PCSK5: variants seen among roughly 807,000 people sequenced by gnomAD.
The protein encoded by PCSK5 is prohormone convertase 5.
A neutral mutation model predicts 233.2 loss-of-function variants in PCSK5; 129 were observed. The observed-to-expected ratio is 0.55, with a 90% confidence interval of 0.48 to 0.64. PCSK5 has a LOEUF of 0.64. Ranked by LOEUF, PCSK5 falls within the 30% of genes least tolerant of loss-of-function variation. The probability of loss-of-function intolerance (pLI) is 0.00; values close to 1 mark genes in which losing one functional copy is unlikely to be tolerated. For synonymous variants in PCSK5, 825 were observed against 879.2 expected, an observed-to-expected ratio of 0.94 and a Z score of 1.09; for missense variants, 2,076 against 2,430.1, an observed-to-expected ratio of 0.85 and a Z score of 3.06.
intron 3 of PCSK5, among the ~76,000 whole-genome samples, chr9:76,005,867 A>G (rs1827454873): frequency 6.6e-6 from 1 of 151,958 alleles, no homozygotes; most frequent in Non-Finnish European, 1.5e-5. Context: ...TTTTTAAGAG[A>G]CGGGGTCTTG....
intron 24 of PCSK5, among the ~76,000 whole-genome samples, chr9:76,273,825 T>G (rs1827608403): frequency 6.6e-6 from 1 of 150,636 alleles, no homozygotes; most frequent in Non-Finnish European, 1.5e-5. Context: ...TTCTTTTTTT[T>G]TTTGTAGAGA....
At chr9:76,288,599 A>G (rs1828159612) in intron 24 of PCSK5, among the ~76,000 whole-genome samples, 1 of 152,172 alleles carries the variant, frequency 6.6e-6, no homozygotes, top group Admixed American at 6.5e-5. Flanking sequence ...GACAGCCAGC[A>G]TGGCCAGGGC....
Position 76,181,606 on chromosome 9 carries a change from A to G in PCSK5, c.2197+15A>G, listed in dbSNP as rs2270570. On this transcript the variant is annotated intron_variant, in intron 16 of 37. Transcript: ENST00000674117. Reference sequence around the variant, plus strand: ...TCAGGATACCAGTAAGCTCACTTCAAATACTTGGGTTTTAGAGAAGAAATG... The same window carrying G: ...TCAGGATACCAGTAAGCTCACTTCAGATACTTGGGTTTTAGAGAAGAAATG... 0.21 allele frequency: 337,312 copies of G among 1,576,876 alleles called. 37,961 individuals are homozygous for G. Among genetic ancestry groups the G allele is most frequent in the Non-Finnish European group, 0.23 (264,574 of 1,152,384 alleles).
Position 76,338,300 on chromosome 9 carries a change from C to A in PCSK5, c.4819C>A (p.Arg1607=). 6.2e-7 allele frequency: 1 copy of A among 1,612,184 alleles called. No homozygotes were observed. The highest frequency in any genetic ancestry group is 8.5e-7 in the Non-Finnish European group (1 of 1,179,356). The change falls in exon 35 of 38, where the codon CGG becomes AGG. Residue 1607 remains arginine (R), a synonymous_variant. Coordinates refer to ENST00000674117, the MANE Select transcript of PCSK5 (RefSeq NM_001372043.1). The stretch of plus-strand genomic sequence containing the variant: ...GAGCTGCAAGGGGTGCCAGGGCCCA[C>A]GGCCCACAGACTGCCTGTCTTGCGA... ...NRSCKGCQGP[R]PTDCLSCDRF...
intron 35 of PCSK5, among the ~76,000 whole-genome samples, chr9:76,347,572 A>C (rs987213728): frequency 6.6e-6 from 1 of 152,024 alleles, no homozygotes; most frequent in Non-Finnish European, 1.5e-5. Context: ...GCCTCAGACA[A>C]TTTATTGTTG....
chr9:75,948,690 T>C (rs1270565642), intron 2 of PCSK5, among the ~76,000 whole-genome samples: 1 of 152,170 alleles, frequency 6.6e-6, no homozygotes, highest in Admixed American at 6.5e-5. Context: ...ATGGGATCAC[T>C]GGGTCAAATG....
intron 3 of PCSK5, among the ~76,000 whole-genome samples, chr9:75,990,875 G>A (rs566519256): frequency 6.6e-6 from 1 of 152,280 alleles, no homozygotes; most frequent in Admixed American, 6.5e-5. Flanking sequence ...GTGGGGCAAA[G>A]GCAGTGGGAT....
chr9:75,955,197 G>A (rs966126899), intron 2 of PCSK5, among the ~76,000 whole-genome samples: 1 of 152,132 alleles, frequency 6.6e-6, no homozygotes, highest in African/African-American at 2.4e-5. Flanking sequence ...ACTCGGAGAG[G>A]CCCGGTTACT....
intron 9 of PCSK5, among the ~76,000 whole-genome samples, chr9:76,118,335 T>C (rs1832509910): frequency 6.7e-6 from 1 of 149,484 alleles, no homozygotes; most frequent in South Asian, 2.1e-4. Flanking sequence ...AATTTTAAAG[T>C]GACTCATTCT....
intron 36 of PCSK5, among the ~76,000 whole-genome samples, chr9:76,353,141 C>A (rs1327061175): frequency 6.6e-6 from 1 of 152,204 alleles, no homozygotes; most frequent in Non-Finnish European, 1.5e-5. Flanking sequence ...CTTGTCTGTG[C>A]CTGAAACATG....
chr9:76,150,763 A>C (rs997450521), intron 10 of PCSK5, among the ~76,000 whole-genome samples: 16 of 152,308 alleles, frequency 1.1e-4, no homozygotes, highest in African/African-American at 2.2e-4. Flanking sequence ...ATAGTTCTGA[A>C]TCTCTCTCTA....
chr9:75,977,646 T>G (rs1826082742), intron 2 of PCSK5, among the ~76,000 whole-genome samples: 1 of 148,996 alleles, frequency 6.7e-6, no homozygotes, highest in African/African-American at 2.5e-5. Flanking sequence ...AGTCTCACTC[T>G]GTGACCCAGG....
chr9:76,233,686 C>A, intron 22 of PCSK5, 90 bp downstream of exon 22: 1 of 1,222,920 alleles, frequency 8.2e-7, no homozygotes, highest in South Asian at 1.3e-5. Flanking sequence ...AGCCTTGTGT[C>A]TGGGGCTGAG....
At chr9:76,042,521 G>C (rs1563990100) in intron 5 of PCSK5, among the ~76,000 whole-genome samples, 1 of 152,114 alleles carries the variant, frequency 6.6e-6, no homozygotes, top group African/African-American at 2.4e-5. Context: ...TGGGCACATT[G>C]GCATGTGCCT....
intron 1 of PCSK5, among the ~76,000 whole-genome samples, chr9:75,928,619 ATATATATATATATATATAT>A (rs1564088070): frequency 1.8e-5 from 2 of 112,236 alleles, no homozygotes; most frequent in African/African-American, 8.0e-5. Context: ...ATATATATAT[ATATATATATATATATATAT>A]AATCCTAGAA....
intron 2 of PCSK5, among the ~76,000 whole-genome samples, chr9:75,949,031 A>C (rs1824719185): frequency 6.6e-6 from 1 of 151,118 alleles, no homozygotes. Flanking sequence ...TTTTGAAGAT[A>C]CTAATGAATA....
At chr9:76,339,812 G>A (rs1829780310) in intron 35 of PCSK5, among the ~76,000 whole-genome samples, 1 of 151,958 alleles carries the variant, frequency 6.6e-6, no homozygotes, top group Admixed American at 6.6e-5. Flanking sequence ...CAAAGTGCTG[G>A]GATTACATGT....
chr9:76,276,988 G>A (rs1429568543), intron 24 of PCSK5, among the ~76,000 whole-genome samples: 2 of 152,154 alleles, frequency 1.3e-5, no homozygotes, highest in African/African-American at 4.8e-5. Flanking sequence ...AGCATTGTGG[G>A]AGGCCAAGGC....
chr9:76,030,944 C>A (rs911928143), intron 5 of PCSK5, among the ~76,000 whole-genome samples: 3 of 152,118 alleles, frequency 2.0e-5, no homozygotes, highest in Non-Finnish European at 4.4e-5. Context: ...TTGGAGGACA[C>A]AGACATTGTT....
Sources: allele counts gnomAD v4.1 joint callset (sites outside exome capture counted in the v4.1 genomes callset), GRCh38; gene constraint gnomAD v4.1.1; transcripts MANE v1.5; gene names NCBI Gene and HGNC (gene_info 2026-07-23, HGNC 2026-07-21).